The following RRP1 variants were observed in gnomAD, a reference collection of about 807,000 sequenced individuals.
The protein encoded by RRP1 is ribosomal RNA processing 1.
In RRP1, 37 loss-of-function variants were observed where a neutral mutation model predicts 54.6. The observed-to-expected ratio is 0.68, with a 90% CI of 0.52 to 0.89. RRP1 has a LOEUF of 0.89. Ranked by LOEUF, RRP1 falls within the 40% of genes least tolerant of loss-of-function variation. The pLI, the probability that RRP1 is intolerant of heterozygous loss-of-function variation, is 0.00. For missense variants in RRP1, 639 were observed against 612.5 expected (o/e 1.04, Z -0.46); for synonymous variants, 262 against 244.3 (o/e 1.07, Z -0.67).
intron 12 of RRP1, 22 bp downstream of exon 12, chr21:43,802,409 G>C: frequency 6.3e-7 from 1 of 1,598,088 alleles, no homozygotes; most frequent in Non-Finnish European, 8.6e-7. Context: ...GGGTGTGTTA[G>C]TCATGGAGCC....
At position 43,803,551 on chromosome 21, in the gene RRP1, G is replaced by C; in HGVS notation, c.1163G>C (p.Arg388Thr). ...EKEPPSPGME[R>T]KRSRRRGVGA... ...GAGCCCCCGAGCCCGGGCATGGAGA[G>C]GAAGAGGAGCAGGAGGAGGGGTGTA... Residue 388 changes from arginine to threonine, a missense_variant, in exon 13 of 13, where the codon AGG becomes ACG. Physicochemically the swap from Arg to Thr is moderately conservative, Grantham distance 71. Transcript: ENST00000497547. 1 of 1,557,682 alleles carries C rather than the reference G, an allele frequency of 6.4e-7. No homozygotes were observed. The highest frequency in any genetic ancestry group is 8.7e-7 in the Non-Finnish European group (1 of 1,150,632).
At chr21:43,795,956 A>G (rs2085015019) in intron 5 of RRP1, among the ~76,000 whole-genome samples, 1 of 152,202 alleles carries the variant, frequency 6.6e-6, no homozygotes, top group African/African-American at 2.4e-5. Flanking sequence ...CCTGGCCACC[A>G]TGGTGAAACC....
At chr21:43,800,991 A>G (rs1442102649) in intron 11 of RRP1, 110 bp downstream of exon 11, 2 of 1,191,850 alleles carry the variant, frequency 1.7e-6, no homozygotes, top group Non-Finnish European at 2.5e-6. Flanking sequence ...CTCTTTGCAG[A>G]GAGGCCTGGT....
chr21:43,797,845 CG>C, intron 7 of RRP1, 61 bp from the exon 8 acceptor site: 1 of 1,572,736 alleles, frequency 6.4e-7, no homozygotes, highest in Non-Finnish European at 8.7e-7. Context: ...GGGGAGTCGG[CG>C]GCTTCCGCTT....
At position 43,789,755 on chromosome 21, in the gene RRP1, G is replaced by T. The variant is rs1400250122; in HGVS notation, c.126G>T (p.Arg42=). The part of the protein sequence containing the change: ...LRKYIVARTQ[R]AAGGFTHDEL... ...AATACATCGTCGCCAGGACTCAGCGGGCCGCAGGTTGGCGGGGGTGTGGGC... is the reference window on the plus strand; with the variant it reads ...AATACATCGTCGCCAGGACTCAGCGTGCCGCAGGTTGGCGGGGGTGTGGGC... The change falls in exon 1 of 13, where the codon CGG becomes CGT. Residue 42 remains arginine (R), a synonymous_variant. Transcript: ENST00000497547. 6.6e-7 allele frequency: 1 copy of T among 1,519,256 alleles called. No homozygotes were observed. Among genetic ancestry groups the T allele is most frequent in the Non-Finnish European group, 8.8e-7 (1 of 1,132,082 alleles). 94.1% of individuals were successfully genotyped at this position (1,519,256 alleles called of 1,614,324 possible).
rs978383274 is a variant in RRP1, at chr21:43,797,789, T to C, written c.617+94T>C. On this transcript the variant is annotated intron_variant, in intron 7 of 12. Transcript: ENST00000497547. ...GGGTGCTGCTCCCTCGAGGGATGAA[T>C]CTGTCTCAGAGTGGCCGCTGGCCGT... 1.4e-4 allele frequency: 217 copies of C among 1,578,336 alleles called. 4 individuals are homozygous for C. In the South Asian group the frequency reaches 2.0e-3, roughly 15 times the overall value.
chr21:43,800,906 G>A (rs2329576), intron 11 of RRP1, 25 bp downstream of exon 11: 1 of 1,613,426 alleles, frequency 6.2e-7, no homozygotes, highest in East Asian at 2.2e-5. Flanking sequence ...GGCACTGACA[G>A]TGGCACCACC....
In RRP1 at chr21:43,791,346, G is replaced by C. The variant is rs2123405836; in HGVS notation, c.134-4G>C. The C allele has an allele frequency of 6.2e-7, 1 of 1,613,818 alleles. No individual in the cohort carries two copies. Among genetic ancestry groups the C allele is most frequent in the Non-Finnish European group, 8.5e-7 (1 of 1,179,792 alleles). On this transcript the variant is annotated splice_polypyrimidine_tract_variant and splice_region_variant and intron_variant, in intron 1 of 12. Coordinates refer to ENST00000497547, the MANE Select transcript of RRP1 (RefSeq NM_003683.6). ...TTGGTCCAACCGTTGCTGTTTTGATGCAGGTGGTTTTACGCACGACGAGCT... is the reference window on the plus strand; with the variant it reads ...TTGGTCCAACCGTTGCTGTTTTGATCCAGGTGGTTTTACGCACGACGAGCT...
chr21:43,792,688 C>T lies in RRP1; in HGVS notation c.233C>T (p.Thr78Ile). ...KPLLQEELGR[T>I]ISQLVHAFQT... is the part of the protein sequence containing the mutation. The stretch of plus-strand genomic sequence containing the variant: ...CCTACACAGGAAGAATTAGGAAGGA[C>T]TATTTCCCAGCTCGTTCATGCTTTT... Residue 78 changes from threonine to isoleucine, a missense_variant, in exon 3 of 13, where the codon ACT (threonine) becomes ATT (isoleucine). Coordinates refer to ENST00000497547, the MANE Select transcript of RRP1 (RefSeq NM_003683.6). 6.2e-7 allele frequency: 1 copy of T among 1,614,072 alleles called. No homozygotes were observed. Among genetic ancestry groups the T allele is most frequent in the Non-Finnish European group, 8.5e-7 (1 of 1,179,942 alleles).
chr21:43,794,638 G>A (rs946205189), intron 4 of RRP1, among the ~76,000 whole-genome samples: 5 of 152,230 alleles, frequency 3.3e-5, no homozygotes, highest in Non-Finnish European at 7.3e-5. Context: ...GGGGACAACT[G>A]CAGAAGGGTG....
rs188963644 is a variant in RRP1 at position 43,804,161 on chromosome 21, G to C, written c.*387G>C. 598 of 217,272 alleles carry C rather than the reference G, an allele frequency of 2.8e-3. 1 individual carries two copies. Among genetic ancestry groups the C allele is most frequent in the Non-Finnish European group, 4.5e-3 (495 of 110,506 alleles). The allele number at this position is 217,272 out of a possible 1,614,324, so 13.5% of individuals were successfully genotyped here. A position where few individuals can be genotyped will look rare whatever the true frequency, so the allele number is the denominator to read the frequency against. On this transcript the variant is annotated 3_prime_UTR_variant, in exon 13 of 13. Coordinates refer to ENST00000497547, the MANE Select transcript of RRP1 (RefSeq NM_003683.6). This position sits in a 1 kb window ranked among gnomAD's most constrained non-coding sequence, Gnocchi z 4.3. The stretch of plus-strand genomic sequence containing the variant: ...TGGGAGGTGGCAGGCGCCAGCCTCC[G>C]AGCAGTGTGGTGGTTTATATTCATG...
chr21:43,797,475 G>T lies in RRP1; in HGVS notation c.476G>T (p.Ser159Ile), dbSNP rs1569015298. 2.5e-6 allele frequency: 4 copies of T among 1,613,740 alleles called. No homozygotes were observed. The highest frequency in any genetic ancestry group is 2.2e-5 in the South Asian group (2 of 91,090). ...ATGACTGAGATCCTGCACCCCAGCA[G>T]CCAGGCCCCCAACGGTGTGAAGAGC... ...LLMTEILHPS[S>I]QAPNGVKSHF... Residue 159 changes from serine to isoleucine, a missense_variant, in exon 6 of 13, where the codon AGC becomes ATC. Transcript: ENST00000497547.
rs373245016 is a variant in RRP1 at position 43,800,562 on chromosome 21, C to T, written c.937C>T (p.Arg313Cys). Residue 313 changes from arginine to cysteine, a missense_variant, in exon 10 of 13, where the codon CGC becomes TGC. By Grantham distance (180) the Arg-to-Cys change is radical. Transcript: ENST00000497547. ...VANRLFEMAS[R>C]QSTPSQNRKR... ...TAACAGACTGTTTGAAATGGCCAGC[C>T]GCCAGAGCACCCCTTCTCAGAACAG... The T allele has an allele frequency of 4.2e-5, 67 of 1,614,266 alleles. No individual in the cohort carries two copies. The highest frequency in any genetic ancestry group is 3.3e-4 in the Middle Eastern group (2 of 6,062).
chr21:43,800,306 C>T (rs1056238951), intron 9 of RRP1, among the ~76,000 whole-genome samples: 16 of 152,194 alleles, frequency 1.1e-4, no homozygotes, highest in African/African-American at 3.6e-4. Flanking sequence ...AGTGCGTGCC[C>T]CGCAGTGCGC....
rs2123426208 is a variant in RRP1 at position 43,805,126 on chromosome 21, A to G, written c.*1352A>G. The G allele has an allele frequency of 6.6e-6, 1 of 152,374 alleles. No homozygotes were observed. Among genetic ancestry groups the G allele is most frequent in the African/African-American group, 2.4e-5 (1 of 41,560 alleles). The allele number at this position is 152,374 out of a possible 1,614,324, so 9.4% of individuals were successfully genotyped here. On this transcript the variant is annotated 3_prime_UTR_variant, in exon 13 of 13. Coordinates refer to ENST00000497547, the MANE Select transcript of RRP1 (RefSeq NM_003683.6). Reference sequence around the variant, plus strand: ...AACCCCATCTCTACTAAAATACAAAATTAGCCAGGCGTGGTGGCACATGCC... The same window carrying G: ...AACCCCATCTCTACTAAAATACAAAGTTAGCCAGGCGTGGTGGCACATGCC...
At chr21:43,796,981 C>T (rs570581137) in intron 5 of RRP1, among the ~76,000 whole-genome samples, 1 of 152,272 alleles carries the variant, frequency 6.6e-6, no homozygotes, top group African/African-American at 2.4e-5. Flanking sequence ...CCTTTCTGGG[C>T]CTCCACCTTC....
At position 43,803,557 on chromosome 21, in the gene RRP1, G is replaced by A; in HGVS notation, c.1169G>A (p.Arg390Lys). The stretch of plus-strand genomic sequence containing the variant: ...CCGAGCCCGGGCATGGAGAGGAAGA[G>A]GAGCAGGAGGAGGGGTGTAGGGGCC... ...EPPSPGMERK[R>K]SRRRGVGADP... Residue 390 changes from arginine to lysine, a missense_variant, in exon 13 of 13, where the codon AGG becomes AAG. By Grantham distance (26) the Arg-to-Lys change is conservative. Coordinates refer to ENST00000497547, the MANE Select transcript of RRP1 (RefSeq NM_003683.6). 3.2e-6 allele frequency: 5 copies of A among 1,555,966 alleles called. No individual in the cohort carries two copies. Among genetic ancestry groups the A allele is most frequent in the Non-Finnish European group, 4.3e-6 (5 of 1,149,842 alleles).
chr21:43,797,815 G>C lies in RRP1; in HGVS notation c.618-92G>C. 2.6e-6 allele frequency: 4 copies of C among 1,564,266 alleles called. No homozygotes were observed. In the South Asian group the frequency reaches 4.6e-5, roughly 18 times the overall value. On this transcript the variant is annotated intron_variant, in intron 7 of 12. Transcript: ENST00000497547. ...CTGTCTCAGAGTGGCCGCTGGCCGT[G>C]TGGGTGGGGAGAGGTTGCAGGGGAG...
intron 3 of RRP1, chr21:43,793,044 G>T: frequency 1.8e-6 from 1 of 552,098 alleles, no homozygotes; most frequent in South Asian, 2.4e-5. Context: ...TGGTCCTGAG[G>T]TTCCTGCAGT....
Sources: allele counts gnomAD v4.1 joint callset (sites outside exome capture counted in the v4.1 genomes callset), GRCh38; gene constraint gnomAD v4.1.1; non-coding constraint Gnocchi (gnomAD v3.1); transcripts MANE v1.5; gene names NCBI Gene and HGNC (gene_info 2026-07-23, HGNC 2026-07-21).